Variants in WWOX observed in about 807,000 individuals in gnomAD.
The protein encoded by WWOX is WW domain containing oxidoreductase.
WWOX carries 69 observed loss-of-function variants against 46.2 expected under a neutral mutation model. That is an observed-to-expected ratio of 1.49 (90% confidence interval 1.23 to 1.82). The LOEUF is 1.82. WWOX is among the 40% of genes most tolerant of loss of function. The pLI is 0.00. For synonymous variants in WWOX, 359 were observed against 202.6 expected (o/e 1.77, Z -6.56); for missense variants, 919 against 542.6 (o/e 1.69, Z -6.89).
At chr16:78,687,336 T>C (rs2047886256) in intron 8 of WWOX, among the ~76,000 whole-genome samples, 1 of 152,226 alleles carries the variant, frequency 6.6e-6, no homozygotes, top group South Asian at 2.1e-4. Context: ...GATTAAAGCA[T>C]TGTACCTATC....
At chr16:79,069,197 A>G (rs1355463735) in intron 8 of WWOX, among the ~76,000 whole-genome samples, 3 of 152,172 alleles carry the variant, frequency 2.0e-5, no homozygotes, top group Non-Finnish European at 4.4e-5. Flanking sequence ...TTGACCTGGA[A>G]TGGTGGAAAA....
chr16:79,096,958 C>T (rs2049088088), intron 8 of WWOX, among the ~76,000 whole-genome samples: 1 of 151,868 alleles, frequency 6.6e-6, no homozygotes, highest in African/African-American at 2.4e-5. Context: ...GGGGAGGGGG[C>T]CAGGAAGAAG....
chr16:78,463,801 T>G (rs80312799), intron 8 of WWOX, among the ~76,000 whole-genome samples: 1 of 152,178 alleles, frequency 6.6e-6, no homozygotes, highest in African/African-American at 2.4e-5. Flanking sequence ...GTAAAGAGTT[T>G]AAAGAAGTGT....
At chr16:78,389,209 A>G (rs934003011) in intron 6 of WWOX, among the ~76,000 whole-genome samples, 2 of 152,176 alleles carry the variant, frequency 1.3e-5, no homozygotes, top group Non-Finnish European at 2.9e-5. Flanking sequence ...TGCCAGAACT[A>G]TCAAGAGGCA....
rs551779192 is a variant in WWOX, at chr16:78,953,231, A to G, written c.1057-258377A>G. 4.2e-4 allele frequency among the ~76,000 whole-genome samples: 63 copies of G among 151,256 alleles called. 1 individual carries two copies. In the South Asian group the frequency reaches 0.013, roughly 32 times the overall value. On this transcript the variant is annotated intron_variant, in intron 8 of 8. Transcript: ENST00000566780. ...TCCCCTTTGGACCTAGACTGAGCCAAAGATTCTCCTTGGTCTATATAGGAT... is the reference window on the plus strand; with the variant it reads ...TCCCCTTTGGACCTAGACTGAGCCAGAGATTCTCCTTGGTCTATATAGGAT...
At chr16:78,328,952 C>G (rs1291487219) in intron 5 of WWOX, among the ~76,000 whole-genome samples, 2 of 152,076 alleles carry the variant, frequency 1.3e-5, no homozygotes, top group Admixed American at 6.5e-5. Flanking sequence ...GCCTCTGCCC[C>G]CTGGGTTGAA....
intron 5 of WWOX, among the ~76,000 whole-genome samples, chr16:78,352,750 C>G (rs1260898340): frequency 6.6e-6 from 1 of 152,126 alleles, no homozygotes; most frequent in Non-Finnish European, 1.5e-5. Flanking sequence ...ATTCCACATA[C>G]AGCAGTACCT....
intron 8 of WWOX, among the ~76,000 whole-genome samples, chr16:78,937,565 G>C (rs866479661): frequency 6.8e-6 from 1 of 146,906 alleles, no homozygotes; most frequent in East Asian, 2.0e-4. Flanking sequence ...AAAGTGCTGC[G>C]ATTACAGGCA....
At chr16:78,949,126 C>G (rs1379352807) in intron 8 of WWOX, among the ~76,000 whole-genome samples, 1 of 152,168 alleles carries the variant, frequency 6.6e-6, no homozygotes, top group African/African-American at 2.4e-5. Flanking sequence ...CTGCATGGAG[C>G]TGAATTCTGC....
chr16:78,351,343 A>G (rs918563624), intron 5 of WWOX, among the ~76,000 whole-genome samples: 4 of 152,180 alleles, frequency 2.6e-5, no homozygotes, highest in Admixed American at 2.6e-4. Context: ...CCGCAGAAAA[A>G]AGTACTGATT....
At chr16:78,872,872 A>C (rs1429026184) in intron 8 of WWOX, 1 of 152,172 alleles carries the variant, frequency 6.6e-6, no homozygotes, top group East Asian at 1.9e-4. Flanking sequence ...ATCTCAGCTC[A>C]GTGCAGGCTT....
intron 6 of WWOX, among the ~76,000 whole-genome samples, chr16:78,402,579 C>A (rs1402588766): frequency 6.6e-6 from 1 of 152,084 alleles, no homozygotes; most frequent in East Asian, 1.9e-4. Context: ...CTTTCTGAGC[C>A]CCTCTTGAAG....
intron 8 of WWOX, chr16:78,506,642 G>A (rs1232773459): frequency 6.7e-6 from 1 of 149,922 alleles, no homozygotes; most frequent in Admixed American, 6.6e-5. Flanking sequence ...CCAAGGTCTG[G>A]TCATTGCTAT....
intron 8 of WWOX, among the ~76,000 whole-genome samples, chr16:78,434,337 G>C (rs148247266): frequency 6.6e-6 from 1 of 152,232 alleles, no homozygotes; most frequent in African/African-American, 2.4e-5. Flanking sequence ...TGGATCACAG[G>C]GTTTTGAAAT....
rs185759502 is a variant in WWOX at position 79,060,135 on chromosome 16, C to T, written c.1057-151473C>T. 2.6e-3 allele frequency among the ~76,000 whole-genome samples: 403 copies of T among 152,320 alleles called. 4 individuals carry two copies. Among genetic ancestry groups the T allele is most frequent in the Non-Finnish European group, 2.7e-3 (182 of 68,028 alleles). On this transcript the variant is annotated intron_variant, in intron 8 of 8. Coordinates refer to ENST00000566780, the MANE Select transcript of WWOX (RefSeq NM_016373.4). ...TTTCTGTGTCAACCACCATTGTCCT[C>T]ACCTATACTTGGGCAGTGGGGGTGG...
intron 8 of WWOX, among the ~76,000 whole-genome samples, chr16:78,912,497 T>C (rs2045137793): frequency 6.6e-6 from 1 of 151,892 alleles, no homozygotes; most frequent in African/African-American, 2.4e-5. Context: ...TCAATTGCAT[T>C]GCTGGTGATC....
chr16:78,933,768 C>G (rs956859169), intron 8 of WWOX, among the ~76,000 whole-genome samples: 1 of 152,086 alleles, frequency 6.6e-6, no homozygotes, highest in Admixed American at 6.6e-5. Context: ...ACGAGAACAG[C>G]ATGGGAAAAT....
chr16:78,508,189 T>G (rs2085264722), intron 8 of WWOX, among the ~76,000 whole-genome samples: 1 of 152,096 alleles, frequency 6.6e-6, no homozygotes. Flanking sequence ...TTGTATTTTT[T>G]TAGTAGAGAC....
Position 79,028,105 on chromosome 16 carries a change from G to A in WWOX, c.1057-183503G>A, listed in dbSNP as rs1009439093. Among the ~76,000 whole-genome samples, 4 of 151,696 alleles carry A rather than the reference G, an allele frequency of 2.6e-5. No homozygotes were observed. In the East Asian group the frequency reaches 5.8e-4, roughly 22 times the overall value. On this transcript the variant is annotated intron_variant, in intron 8 of 8. Coordinates refer to ENST00000566780, the MANE Select transcript of WWOX (RefSeq NM_016373.4). ...AGCTGAGACTACAGGCACCTGCCAC[G>A]ACGCCTGGCTAATTTTTGTATTTTC... is the stretch of plus-strand genomic sequence containing the variant.
Sources: allele counts gnomAD v4.1 joint callset (sites outside exome capture counted in the v4.1 genomes callset), GRCh38; gene constraint gnomAD v4.1.1; transcripts MANE v1.5; gene names NCBI Gene and HGNC (gene_info 2026-07-23, HGNC 2026-07-21).